The following MED28 variants were observed in gnomAD, a reference collection of about 807,000 sequenced individuals.
MED28 encodes the protein mediator of RNA polymerase II transcription subunit 28.
MED28 carries 26 observed loss-of-function variants against 21.3 expected under a neutral mutation model. That is an observed-to-expected ratio of 1.22 (90% CI 0.89 to 1.69). The LOEUF is 1.69. Ranked by LOEUF, MED28 falls within the 40% of genes most tolerant of loss-of-function variation. The pLI, the probability that MED28 is intolerant of heterozygous loss-of-function variation, is 0.00. For missense variants in MED28, 257 were observed against 215.4 expected (o/e 1.19, Z -1.21); for synonymous variants, 110 against 87.6 (o/e 1.26, Z -1.43).
intron 2 of MED28, 100 bp downstream of exon 2, chr4:17,620,067 G>T: frequency 8.9e-7 from 1 of 1,119,466 alleles, no homozygotes. Flanking sequence ...TTTATCCTAA[G>T]ACAACATTTC....
rs1714711821 is a variant in MED28, at chr4:17,624,112, T to C, written c.*314T>C. On this transcript the variant is annotated 3_prime_UTR_variant, in exon 4 of 4. Transcript: ENST00000237380. ...CTTGTTTTAAATTTTTGCATGACTT[T>C]TCATCTTTTTATGTGTGTTTCCTGT... 1 of 338,198 alleles carries C rather than the reference T, an allele frequency of 3.0e-6. No homozygotes were observed. Among genetic ancestry groups the C allele is most frequent in the Non-Finnish European group, 5.5e-6 (1 of 180,196 alleles). The allele number at this position is 338,198 out of a possible 1,614,324, so 20.9% of individuals were successfully genotyped here.
At chr4:17,620,631 C>CCTTATATGTGCCATTT (rs1714597229) in intron 2 of MED28, among the ~76,000 whole-genome samples, 1 of 151,708 alleles carries the variant, frequency 6.6e-6, no homozygotes, top group Admixed American at 6.6e-5. Context: ...CCGTGCCCGG[C>CCTTATATGTGCCATTT]CTTATATGTG....
chr4:17,619,080 C>T (rs1714541976), intron 1 of MED28, among the ~76,000 whole-genome samples: 1 of 152,170 alleles, frequency 6.6e-6, no homozygotes, highest in African/African-American at 2.4e-5. Context: ...ACTCCTTTTC[C>T]AACTGCCATG....
Position 17,625,233 on chromosome 4 carries a change from C to T in MED28, c.*1435C>T, listed in dbSNP as rs1714744366. The T allele has an allele frequency of 6.5e-6, 1 of 153,950 alleles. No homozygotes were observed. Among genetic ancestry groups the T allele is most frequent in the Admixed American group, 6.5e-5 (1 of 15,334 alleles). 9.5% of individuals were successfully genotyped at this position (153,950 alleles called of 1,614,324 possible). ...TAATTCTACACCCATGAGAATTAGA[C>T]ATTATTCTCCTTAAATATATAAGGA... On this transcript the variant is annotated 3_prime_UTR_variant, in exon 4 of 4. Coordinates refer to ENST00000237380, the MANE Select transcript of MED28 (RefSeq NM_025205.5).
At chr4:17,615,679 G>A (rs968201029) in intron 1 of MED28, among the ~76,000 whole-genome samples, 2 of 152,056 alleles carry the variant, frequency 1.3e-5, no homozygotes, top group Non-Finnish European at 2.9e-5. Context: ...GCGTGGTGGC[G>A]TGCGCCTGTA....
At position 17,632,703 on chromosome 4, in the gene MED28, G is replaced by A. The variant is rs1560161850; in HGVS notation, c.*8905G>A. 4.1e-6 allele frequency: 4 copies of A among 971,882 alleles called. No homozygotes were observed. Among genetic ancestry groups the A allele is most frequent in the Non-Finnish European group, 6.2e-6 (4 of 640,962 alleles). 60.2% of individuals were successfully genotyped at this position (971,882 alleles called of 1,614,324 possible). A position where few individuals can be genotyped will look rare whatever the true frequency, so the allele number is the denominator to read the frequency against. ...AGCTTAATACCCACCATCTTTTCAG[G>A]GAAAGATAACTGCTTGTTTACTCTT... On this transcript the variant is annotated 3_prime_UTR_variant, in exon 4 of 4. Coordinates refer to ENST00000237380, the MANE Select transcript of MED28 (RefSeq NM_025205.5).
At chr4:17,622,081 A>G (rs1013959181) in intron 3 of MED28, among the ~76,000 whole-genome samples, 2 of 152,242 alleles carry the variant, frequency 1.3e-5, no homozygotes, top group Admixed American at 1.3e-4. Flanking sequence ...ACAGGAATCC[A>G]AGGAATCAAA....
chr4:17,624,080 G>T lies in MED28; in HGVS notation c.*282G>T. 2 of 388,362 alleles carry T rather than the reference G, an allele frequency of 5.1e-6. No homozygotes were observed. Among genetic ancestry groups the T allele is most frequent in the East Asian group, 4.7e-5 (1 of 21,210 alleles). 24.1% of individuals were successfully genotyped at this position (388,362 alleles called of 1,614,324 possible). ...GATGACACAGATTCTTTTTTATGGTGGCTTTGCTTGTTTTAAATTTTTGCA... is the reference window on the plus strand; with the variant it reads ...GATGACACAGATTCTTTTTTATGGTTGCTTTGCTTGTTTTAAATTTTTGCA... On this transcript the variant is annotated 3_prime_UTR_variant, in exon 4 of 4. Coordinates refer to ENST00000237380, the MANE Select transcript of MED28 (RefSeq NM_025205.5).
intron 3 of MED28, among the ~76,000 whole-genome samples, chr4:17,622,205 A>T (rs1714656206): frequency 6.6e-6 from 1 of 152,174 alleles, no homozygotes; most frequent in African/African-American, 2.4e-5. Flanking sequence ...GGAAGCTTTA[A>T]TGGCATTGAA....
In MED28 at chr4:17,619,962, G is replaced by T. The variant is rs773372341; in HGVS notation, c.221G>T (p.Arg74Leu). ...AATGGCACCGATCAGGAAGAAATTC[G>T]AACCGGTAAGCATTCCCTCTGTGTA... ...YVNGTDQEEI[R>L]TGVDQCIQKF... is the part of the protein sequence containing the mutation. Residue 74 changes from arginine (R) to leucine (L), a missense_variant, in exon 2 of 4, where the codon CGA becomes CTA. Physicochemically the swap from Arg to Leu is moderately radical, Grantham distance 102. Coordinates refer to ENST00000237380, the MANE Select transcript of MED28 (RefSeq NM_025205.5). The T allele has an allele frequency of 6.2e-7, 1 of 1,613,854 alleles. No individual in the cohort carries two copies. The highest frequency in any genetic ancestry group is 8.5e-7 in the Non-Finnish European group (1 of 1,179,740).
intron 2 of MED28, 93 bp from the exon 3 acceptor site, chr4:17,621,494 C>A: frequency 1.2e-6 from 1 of 829,962 alleles, no homozygotes; most frequent in Non-Finnish European, 1.8e-6. Context: ...TATGAGAGGG[C>A]TTTGTTTTTA....
chr4:17,617,718 G>A (rs536073516), intron 1 of MED28, among the ~76,000 whole-genome samples: 16 of 152,142 alleles, frequency 1.1e-4, no homozygotes, highest in African/African-American at 3.6e-4. Context: ...ACCATCCTGG[G>A]CAACATGGTG....
chr4:17,632,418 T>C lies in MED28; in HGVS notation c.*8620T>C. ...ACGCCAAAATTTGTTTTAGCTATCA[T>C]ATATAAATCATAAGCATATTATTTG... On this transcript the variant is annotated 3_prime_UTR_variant, in exon 4 of 4. Coordinates refer to ENST00000237380, the MANE Select transcript of MED28 (RefSeq NM_025205.5). 1 of 890,524 alleles carries C rather than the reference T, an allele frequency of 1.1e-6. No individual in the cohort carries two copies. Among genetic ancestry groups the C allele is most frequent in the Non-Finnish European group, 1.7e-6 (1 of 590,268 alleles). The allele number at this position is 890,524 out of a possible 1,614,324, so 55.2% of individuals were successfully genotyped here.
chr4:17,615,360 C>T (rs1714417951), intron 1 of MED28, among the ~76,000 whole-genome samples: 1 of 152,052 alleles, frequency 6.6e-6, no homozygotes, highest in Non-Finnish European at 1.5e-5. Context: ...AGGAGTTTAC[C>T]TTGTAGCAAG....
Position 17,629,524 on chromosome 4 carries a change from AAC to A in MED28, c.*5728_*5729del, listed in dbSNP as rs752836319. ...CCATTTTTACCTACCCCAATTACAA[AAC>A]AGTTTGCTTTCATGTGGAACAGATA... On this transcript the variant is annotated 3_prime_UTR_variant, in exon 4 of 4. Transcript: ENST00000237380. 3.9e-5 allele frequency: 6 copies of A among 152,210 alleles called. No homozygotes were observed. The highest frequency in any genetic ancestry group is 7.2e-5 in the African/African-American group (3 of 41,442). 9.4% of individuals were successfully genotyped at this position (152,210 alleles called of 1,614,324 possible). A position where few individuals can be genotyped will look rare whatever the true frequency, so the allele number is the denominator to read the frequency against.
intron 2 of MED28, among the ~76,000 whole-genome samples, chr4:17,621,042 G>GTC (rs1381827971): frequency 1.4e-5 from 2 of 139,436 alleles, no homozygotes; most frequent in African/African-American, 5.3e-5. Flanking sequence ...TTGAGACGGA[G>GTC]TCTCACTCTG....
At chr4:17,621,911 C>T (rs1203191373) in intron 3 of MED28, among the ~76,000 whole-genome samples, 2 of 152,174 alleles carry the variant, frequency 1.3e-5, no homozygotes, top group African/African-American at 4.8e-5. Flanking sequence ...TCAGACGGAA[C>T]AGCTCTGATG....
At chr4:17,620,926 T>C (rs1714608409) in intron 2 of MED28, among the ~76,000 whole-genome samples, 1 of 151,814 alleles carries the variant, frequency 6.6e-6, no homozygotes, top group South Asian at 2.1e-4. Context: ...CAGGCTGGTC[T>C]TGAACTCCTA....
intron 1 of MED28, among the ~76,000 whole-genome samples, chr4:17,617,088 A>C (rs560625919): frequency 1.3e-5 from 2 of 152,320 alleles, no homozygotes; most frequent in East Asian, 1.9e-4. Context: ...ACATCAAAGA[A>C]GGCTTCCCAG....
Sources: gnomAD v4.1 joint callset for allele counts (sites outside exome capture counted in the v4.1 genomes callset) on GRCh38, gnomAD v4.1.1 for gene constraint, MANE v1.5 for transcripts, NCBI Gene and HGNC (gene_info 2026-07-23, HGNC 2026-07-21) for gene names.